Variants in ARL14EPL observed in about 807,000 individuals in gnomAD.
ARL14EPL encodes ARL14 effector protein-like.
Under a neutral mutation model 15.9 loss-of-function variants are expected in ARL14EPL, and 17 were observed. The ratio of observed to expected loss-of-function variants is 1.07; its 90% CI spans 0.73 to 1.60. ARL14EPL has a LOEUF of 1.60. ARL14EPL is among the 40% of genes most tolerant of loss of function. The pLI is 0.00. For missense variants in ARL14EPL, 214 were observed against 185.9 expected (o/e 1.15, Z -0.88); for synonymous variants, 78 against 63.8 (o/e 1.22, Z -1.06).
At chr5:116,035,600 G>A (rs1749035484) in intron 1 of ARL14EPL, among the ~76,000 whole-genome samples, 1 of 152,200 alleles carries the variant, frequency 6.6e-6, no homozygotes, top group African/African-American at 2.4e-5. Flanking sequence ...AGCACTTCTA[G>A]GGTAGGGGTA....
intron 3 of ARL14EPL, among the ~76,000 whole-genome samples, chr5:116,055,670 T>C (rs1457742520): frequency 6.6e-6 from 1 of 151,822 alleles, no homozygotes; most frequent in African/African-American, 2.4e-5. Context: ...TATTATACTT[T>C]AAGTTCTAGG....
At position 116,058,994 on chromosome 5, in the gene ARL14EPL, A is replaced by G. The variant is rs1749587455; in HGVS notation, c.*47A>G. On this transcript the variant is annotated 3_prime_UTR_variant, in exon 4 of 4. Coordinates refer to ENST00000686077, the MANE Select transcript of ARL14EPL (RefSeq NM_001195581.2). ...TTTGTTTCTTCTTCTTACACATTTA[A>G]GTTGACCTCTTTCTTTTGGGTGAAT... The G allele has an allele frequency of 1.3e-6, 2 of 1,500,224 alleles. No homozygotes were observed. Among genetic ancestry groups the G allele is most frequent in the Admixed American group, 4.0e-5 (2 of 50,550 alleles). 92.9% of individuals were successfully genotyped at this position (1,500,224 alleles called of 1,614,324 possible).
chr5:116,047,222 G>T (rs779765135), intron 1 of ARL14EPL, among the ~76,000 whole-genome samples: 2 of 152,182 alleles, frequency 1.3e-5, no homozygotes, highest in African/African-American at 4.8e-5. Context: ...TGCCCTAAAC[G>T]GGAGGCTTTT....
rs541120671 is a variant in ARL14EPL, at chr5:116,051,611, G to A, written c.96+50G>A. On this transcript the variant is annotated intron_variant, in intron 2 of 3. Coordinates refer to ENST00000686077, the MANE Select transcript of ARL14EPL (RefSeq NM_001195581.2). ...CCATGCTACTGGGGAGTGCCCCCTC[G>A]AGGATCTCTGAGATGCCCATGGATG... is the stretch of plus-strand genomic sequence containing the variant. The A allele has an allele frequency of 7.8e-5, 110 of 1,406,368 alleles. No individual in the cohort carries two copies. In the African/African-American group the frequency reaches 1.3e-3, roughly 16 times the overall value. The allele number at this position is 1,406,368 out of a possible 1,614,324, so 87.1% of individuals were successfully genotyped here.
intron 2 of ARL14EPL, 37 bp from the exon 3 acceptor site, chr5:116,053,977 C>G: frequency 6.7e-7 from 1 of 1,491,218 alleles, no homozygotes; most frequent in Non-Finnish European, 8.9e-7. Flanking sequence ...ATAAAACTAT[C>G]TGGTTCTTAC....
intron 1 of ARL14EPL, among the ~76,000 whole-genome samples, chr5:116,041,112 C>G (rs966311896): frequency 1.3e-5 from 2 of 151,800 alleles, no homozygotes; most frequent in Non-Finnish European, 2.9e-5. Flanking sequence ...TATCCCCCAA[C>G]AGTTTCCCTG....
At chr5:116,033,500 T>G (rs1165809748) in intron 1 of ARL14EPL, among the ~76,000 whole-genome samples, 1 of 152,200 alleles carries the variant, frequency 6.6e-6, no homozygotes. Flanking sequence ...TATGGGGACA[T>G]AACTTCATCA....
At chr5:116,037,586 GTTTGTT>G (rs1227614199) in intron 1 of ARL14EPL, among the ~76,000 whole-genome samples, 2 of 152,106 alleles carry the variant, frequency 1.3e-5, no homozygotes, top group East Asian at 1.9e-4. Context: ...TTGTTTGTTT[GTTTGTT>G]TTTAACTGTT....
intron 3 of ARL14EPL, among the ~76,000 whole-genome samples, chr5:116,056,111 T>C (rs1450661717): frequency 1.3e-5 from 2 of 151,984 alleles, no homozygotes; most frequent in Admixed American, 1.3e-4. Flanking sequence ...TAAACATACA[T>C]GTGCATGTGT....
chr5:116,042,656 G>A (rs1227834046), intron 1 of ARL14EPL, among the ~76,000 whole-genome samples: 35 of 152,192 alleles, frequency 2.3e-4, no homozygotes, highest in Admixed American at 2.3e-3. Context: ...TGTTCAGTAA[G>A]TGCTAAGAAA....
chr5:116,050,471 A>C (rs1032667110), intron 1 of ARL14EPL, among the ~76,000 whole-genome samples: 1 of 152,210 alleles, frequency 6.6e-6, no homozygotes, highest in African/African-American at 2.4e-5. Flanking sequence ...ATACTTACAC[A>C]CTATTGGTGA....
Position 116,058,142 on chromosome 5 carries a change from C to T in ARL14EPL, c.237-583C>T, listed in dbSNP as rs114982104. 7.5e-3 allele frequency among the ~76,000 whole-genome samples: 1,140 copies of T among 152,276 alleles called. 13 individuals are homozygous for T. Among genetic ancestry groups the T allele is most frequent in the African/African-American group, 0.027 (1,103 of 41,542 alleles). ...CTTGGTCACCTCCTTTCTCCCTCCT[C>T]ACTGGGTAAAAAGCAGAATCAGAAA... is the stretch of plus-strand genomic sequence containing the variant. On this transcript the variant is annotated intron_variant, in intron 3 of 3. Transcript: ENST00000686077.
chr5:116,033,052 GC>G (rs1748987561), intron 1 of ARL14EPL, among the ~76,000 whole-genome samples: 1 of 152,136 alleles, frequency 6.6e-6, no homozygotes. Context: ...ACCTGCCTCA[GC>G]CTGCCAAAGT....
intron 1 of ARL14EPL, among the ~76,000 whole-genome samples, chr5:116,037,760 A>C (rs899896528): frequency 2.0e-5 from 3 of 152,238 alleles, no homozygotes; most frequent in Non-Finnish European, 4.4e-5. Context: ...AATATAGGAA[A>C]TGATAAAGTA....
At position 116,058,944 on chromosome 5, in the gene ARL14EPL, C is replaced by T. The variant is rs766602057; in HGVS notation, c.456C>T (p.Asp152=). The part of the protein sequence containing the change: ...VISTLPFNVP[D] ...GCACGCTGCCGTTTAATGTTCCTGA[C>T]TAGGTGCTCTTGTATATGGACTGAT... is the stretch of plus-strand genomic sequence containing the variant. Residue 152 remains aspartate, a synonymous_variant, in exon 4 of 4, where the codon GAC becomes GAT. Coordinates refer to ENST00000686077, the MANE Select transcript of ARL14EPL (RefSeq NM_001195581.2). 147 of 1,535,646 alleles carry T rather than the reference C, an allele frequency of 9.6e-5. No homozygotes were observed. Among genetic ancestry groups the T allele is most frequent in the Non-Finnish European group, 1.3e-4 (144 of 1,146,646 alleles).
chr5:116,051,993 G>A (rs930943589), intron 2 of ARL14EPL: 24 of 1,611,278 alleles, frequency 1.5e-5, no homozygotes, highest in Admixed American at 5.0e-5. Context: ...TTTGAAACCA[G>A]TTTGATAAGT....
At chr5:116,037,042 C>G (rs1749061060) in intron 1 of ARL14EPL, among the ~76,000 whole-genome samples, 1 of 151,944 alleles carries the variant, frequency 6.6e-6, no homozygotes, top group Admixed American at 6.6e-5. Context: ...GGGGTTTTCT[C>G]TAGGGACCTC....
At chr5:116,032,974 T>C (rs1161473525) in intron 1 of ARL14EPL, among the ~76,000 whole-genome samples, 3 of 152,126 alleles carry the variant, frequency 2.0e-5, no homozygotes, top group African/African-American at 7.2e-5. Flanking sequence ...ATTTTTTGTA[T>C]TTTTAGTTGA....
At chr5:116,048,915 G>C (rs1749322118) in intron 1 of ARL14EPL, among the ~76,000 whole-genome samples, 1 of 152,158 alleles carries the variant, frequency 6.6e-6, no homozygotes, top group African/African-American at 2.4e-5. Context: ...AATGAATTAT[G>C]ATGTCTGGGA....
Sources: allele counts gnomAD v4.1 joint callset (sites outside exome capture counted in the v4.1 genomes callset), GRCh38; gene constraint gnomAD v4.1.1; transcripts MANE v1.5; gene names NCBI Gene and HGNC (gene_info 2026-07-23, HGNC 2026-07-21).